The following CHI3L2 variants were observed in gnomAD, a reference collection of about 807,000 sequenced individuals.
CHI3L2 encodes chitinase-3-like protein 2.
Under a neutral mutation model 47.3 loss-of-function variants are expected in CHI3L2, and 47 were observed. The observed-to-expected ratio is 0.99, with a 90% CI of 0.79 to 1.27. The LOEUF (loss-of-function observed/expected upper bound fraction) is 1.27. Ranked by LOEUF, CHI3L2 falls within the 50% of genes most tolerant of loss-of-function variation. The pLI is 0.00. For missense variants in CHI3L2, 497 were observed against 462.1 expected, an observed-to-expected ratio of 1.08 and a Z score of -0.69; for synonymous variants, 198 against 169.9, an observed-to-expected ratio of 1.17 and a Z score of -1.28.
At position 111,243,298 on chromosome 1, in the gene CHI3L2, C is replaced by T; in HGVS notation, c.*84C>T. 1 of 455,298 alleles carries T rather than the reference C, an allele frequency of 2.2e-6. No homozygotes were observed. The allele number at this position is 455,298 out of a possible 1,614,324, so 28.2% of individuals were successfully genotyped here. A position where few individuals can be genotyped will look rare whatever the true frequency, so the allele number is the denominator to read the frequency against. On this transcript the variant is annotated 3_prime_UTR_variant, in exon 11 of 11. Coordinates refer to ENST00000369748, the MANE Select transcript of CHI3L2 (RefSeq NM_004000.3). Reference sequence around the variant, plus strand: ...CCAGGAATTCTCATGTGGGATTCCCCTTGCCAGGCTGGCCTTTGGATCTCT... The same window carrying T: ...CCAGGAATTCTCATGTGGGATTCCCTTTGCCAGGCTGGCCTTTGGATCTCT...
At chr1:111,236,632 C>T (rs1571228702) in intron 7 of CHI3L2, among the ~76,000 whole-genome samples, 1 of 146,604 alleles carries the variant, frequency 6.8e-6, no homozygotes, top group Non-Finnish European at 1.5e-5. Flanking sequence ...TTGTGAACTT[C>T]CTGGTGATGG....
intron 4 of CHI3L2, 36 bp from the exon 5 acceptor site, chr1:111,234,871 T>C (rs1659830159): frequency 2.5e-6 from 4 of 1,606,762 alleles, no homozygotes; most frequent in Non-Finnish European, 3.4e-6. Context: ...TGTTACTTGT[T>C]CTTTCCAAAA....
Position 111,241,400 on chromosome 1 carries a change from A to G in CHI3L2, c.992A>G (p.Asn331Ser), listed in dbSNP as rs1229048719. ...DQQVPYAVKGNQWVGYDDVKS... is the reference protein window; with the variant it reads ...DQQVPYAVKGSQWVGYDDVKS... ...CAGGTTCCCTACGCAGTCAAGGGGA[A>G]CCAGTGGGTGGGCTATGATGATGTG... The change falls in exon 9 of 11, where the codon AAC (asparagine) becomes AGC (serine). Residue 331 changes from asparagine to serine, a missense_variant. Asn to Ser is a conservative substitution (Grantham distance 46). Transcript: ENST00000369748. 3.7e-6 allele frequency: 6 copies of G among 1,609,646 alleles called. No homozygotes were observed. Among genetic ancestry groups the G allele is most frequent in the African/African-American group, 1.3e-5 (1 of 74,966 alleles).
At position 111,241,359 on chromosome 1, in the gene CHI3L2, G is replaced by A. The variant is rs7542034; in HGVS notation, c.951G>A (p.Thr317=). The A allele has an allele frequency of 0.013, 21,326 of 1,602,084 alleles. 1,406 individuals carry two copies. In the African/African-American group the frequency reaches 0.18, roughly 14 times the overall value. ...ICQFLKGAKI[T]RLQDQQVPYA... is the part of the protein sequence containing the mutation. ...AGTTCCTGAAAGGAGCCAAGATCAC[G>A]CGGCTCCAGGATCAGCAGGTTCCCT... Residue 317 remains threonine, a synonymous_variant, in exon 9 of 11, where the codon ACG becomes ACA. Transcript: ENST00000369748.
rs1039061241 is a variant in CHI3L2 at position 111,242,221 on chromosome 1, C to G, written c.1036-6C>G. On this transcript the variant is annotated splice_polypyrimidine_tract_variant and splice_region_variant and intron_variant, in intron 9 of 10. Coordinates refer to ENST00000369748, the MANE Select transcript of CHI3L2 (RefSeq NM_004000.3). ...ATCTCTGTGTATCCTTCTGTGTCTCCCATAGGTTCAGTTCTTAAAGAATTT... is the reference window on the plus strand; with the variant it reads ...ATCTCTGTGTATCCTTCTGTGTCTCGCATAGGTTCAGTTCTTAAAGAATTT... 3 of 1,614,096 alleles carry G rather than the reference C, an allele frequency of 1.9e-6. No individual in the cohort carries two copies. Among genetic ancestry groups the G allele is most frequent in the Non-Finnish European group, 1.7e-6 (2 of 1,179,968 alleles).
At chr1:111,230,253 T>C (rs1033572324) in intron 2 of CHI3L2, among the ~76,000 whole-genome samples, 3 of 72,566 alleles carry the variant, frequency 4.1e-5, no homozygotes, top group African/African-American at 1.3e-4. Context: ...TCTCAATGTA[T>C]TTTTTTTTAA....
At chr1:111,241,225 A>C in intron 8 of CHI3L2, 102 bp from the exon 9 acceptor site, 2 of 771,264 alleles carry the variant, frequency 2.6e-6, no homozygotes, top group Admixed American at 3.4e-5. Flanking sequence ...AAAGGTTCTG[A>C]TATTTTCCCC....
chr1:111,241,593 G>A (rs1165010775), intron 9 of CHI3L2, 150 bp downstream of exon 9: 1 of 602,664 alleles, frequency 1.7e-6, no homozygotes, highest in African/African-American at 1.9e-5. Context: ...GTCTAGTAGT[G>A]ACTCTATGTC....
At chr1:111,233,921 C>G (rs1490073911) in intron 4 of CHI3L2, among the ~76,000 whole-genome samples, 1 of 152,046 alleles carries the variant, frequency 6.6e-6, no homozygotes, top group Non-Finnish European at 1.5e-5. Context: ...GAAACATGTG[C>G]TGTGTCCACT....
At chr1:111,229,996 C>A in intron 2 of CHI3L2, 115 bp downstream of exon 2, 1 of 1,115,716 alleles carries the variant, frequency 9.0e-7, no homozygotes, top group Non-Finnish European at 1.3e-6. Context: ...CTCTCCGGTT[C>A]TGCCACTGAC....
Position 111,243,220 on chromosome 1 carries a change from T to G in CHI3L2, c.*6T>G. 1 of 456,032 alleles carries G rather than the reference T, an allele frequency of 2.2e-6. No homozygotes were observed. The highest frequency in any genetic ancestry group is 4.4e-6 in the Non-Finnish European group (1 of 226,786). The allele number at this position is 456,032 out of a possible 1,614,324, so 28.2% of individuals were successfully genotyped here. ...ATATTTTTCCTTTTGTTTCCAGGATTAACTTACAGAGAAGCAGGCAAGATG... is the reference window on the plus strand; with the variant it reads ...ATATTTTTCCTTTTGTTTCCAGGATGAACTTACAGAGAAGCAGGCAAGATG... On this transcript the variant is annotated 3_prime_UTR_variant, in exon 11 of 11. Coordinates refer to ENST00000369748, the MANE Select transcript of CHI3L2 (RefSeq NM_004000.3).
chr1:111,234,941 T>A lies in CHI3L2; in HGVS notation c.364T>A (p.Leu122Met). 1 of 1,614,154 alleles carries A rather than the reference T, an allele frequency of 6.2e-7. No individual in the cohort carries two copies. Among genetic ancestry groups the A allele is most frequent in the Non-Finnish European group, 8.5e-7 (1 of 1,179,996 alleles). Residue 122 changes from leucine to methionine, a missense_variant, in exon 5 of 11, where the codon TTG becomes ATG. Physicochemically the swap from Leu to Met is conservative, Grantham distance 15 (BLOSUM62 2). Coordinates refer to ENST00000369748, the MANE Select transcript of CHI3L2 (RefSeq NM_004000.3). ...TATGGTGGATTCTTCTACATCACGC[T>A]TGGAATTCATTAACTCCATAATCCT... ...HPMVDSSTSRLEFINSIILFL... is the reference protein window; with the variant it reads ...HPMVDSSTSRMEFINSIILFL...
At chr1:111,237,712 C>T (rs2820087) in intron 7 of CHI3L2, among the ~76,000 whole-genome samples, 37,949 of 152,116 alleles carry the variant, frequency 0.25, 5,597 homozygotes, top group Non-Finnish European at 0.34. Context: ...GTCTATAAAC[C>T]AAAAATAAAA....
intron 9 of CHI3L2, 61 bp from the exon 10 acceptor site, chr1:111,242,166 G>A (rs955430938): frequency 6.2e-7 from 1 of 1,605,984 alleles, no homozygotes; most frequent in Non-Finnish European, 8.5e-7. Flanking sequence ...AACCTGATAT[G>A]GTCCTGGGCA....
intron 8 of CHI3L2, 108 bp downstream of exon 8, chr1:111,239,040 G>A (rs1435158457): frequency 9.0e-7 from 1 of 1,109,726 alleles, no homozygotes; most frequent in Non-Finnish European, 1.3e-6. Flanking sequence ...AAGGGGAAAG[G>A]GCAGAGTACT....
At chr1:111,236,258 G>C in intron 7 of CHI3L2, 105 bp downstream of exon 7, 1 of 1,267,956 alleles carries the variant, frequency 7.9e-7, no homozygotes, top group Non-Finnish European at 1.1e-6. Context: ...GAAGAGCTAT[G>C]AGCCCAAGAG....
At chr1:111,231,125 C>T in intron 3 of CHI3L2, 113 bp from the exon 4 acceptor site, 1 of 1,064,708 alleles carries the variant, frequency 9.4e-7, no homozygotes, top group East Asian at 2.5e-5. Context: ...CACTTTAGTT[C>T]AAACAGCCAG....
At chr1:111,233,881 G>A (rs1353777993) in intron 4 of CHI3L2, among the ~76,000 whole-genome samples, 5 of 152,140 alleles carry the variant, frequency 3.3e-5, no homozygotes, top group South Asian at 4.1e-4. Flanking sequence ...CCTGTTGATC[G>A]GTGACCTTGC....
chr1:111,241,241 C>T (rs1229025220), intron 8 of CHI3L2, 86 bp from the exon 9 acceptor site: 14 of 789,398 alleles, frequency 1.8e-5, no homozygotes, highest in Non-Finnish European at 7.0e-6. Flanking sequence ...TCCCCAAGTC[C>T]CTAGTGGCTC....
Sources: allele counts gnomAD v4.1 joint callset (sites outside exome capture counted in the v4.1 genomes callset), GRCh38; gene constraint gnomAD v4.1.1; transcripts MANE v1.5; gene names NCBI Gene and HGNC (gene_info 2026-07-23, HGNC 2026-07-21).